ADGRG1: variants seen among roughly 807,000 people sequenced by gnomAD.
ADGRG1 encodes adhesion G protein-coupled receptor G1.
Under a neutral mutation model 73.5 loss-of-function variants are expected in ADGRG1, and 53 were observed. The ratio of observed to expected loss-of-function variants is 0.72; its 90% CI spans 0.58 to 0.91. The LOEUF is 0.91. ADGRG1 is among the 40% of genes least tolerant of loss of function. The probability of loss-of-function intolerance (pLI) is 0.00; values close to 1 mark genes in which losing one functional copy is unlikely to be tolerated. For synonymous variants in ADGRG1, 394 were observed against 374.4 expected (o/e 1.05, Z -0.60); for missense variants, 795 against 871.8 (o/e 0.91, Z 1.11).
rs545589810 is a variant in ADGRG1, at chr16:57,634,546, G to C, written c.-36+5744G>C. The C allele has an allele frequency of 2.3e-5, 20 of 882,052 alleles. No individual in the cohort carries two copies. The East Asian group carries it at 7.2e-4, about 32-fold the overall frequency. The allele number at this position is 882,052 out of a possible 1,614,324, so 54.6% of individuals were successfully genotyped here. A position where few individuals can be genotyped will look rare whatever the true frequency, so the allele number is the denominator to read the frequency against. ...CTTGAAACTTTATCCACATTTCACA[G>C]ATGAGGAATCAGGCCCAAGAGCTCG... On this transcript the variant is annotated intron_variant, in intron 1 of 13. Coordinates refer to ENST00000562631, the MANE Select transcript of ADGRG1 (RefSeq NM_201525.4).
At chr16:57,625,818 G>A, upstream of ADGRG1, 1 of 214,694 alleles carries the variant, frequency 4.7e-6, no homozygotes, top group Non-Finnish European at 8.0e-6. Context: ...GCCCCTTGCT[G>A]CCCAGTTAGA....
At chr16:57,644,885 T>G (rs1347450177) in intron 1 of ADGRG1, among the ~76,000 whole-genome samples, 1 of 142,404 alleles carries the variant, frequency 7.0e-6, no homozygotes, top group African/African-American at 2.7e-5. Context: ...TGTACACTCA[T>G]GCATGGGCAC....
At chr16:57,642,079 G>T (rs145072803) in intron 1 of ADGRG1, 77 of 985,162 alleles carry the variant, frequency 7.8e-5, no homozygotes, top group Admixed American at 2.5e-4. Context: ...AAGAGACTTT[G>T]ATTCTCATCT....
chr16:57,640,948 G>A (rs2040671621), intron 1 of ADGRG1: 5 of 985,588 alleles, frequency 5.1e-6, no homozygotes, highest in Middle Eastern at 5.2e-4. Flanking sequence ...CACAGATAGG[G>A]AAGGGGAACC....
In ADGRG1 at chr16:57,661,823, C is replaced by A. The variant is rs1354867453; in HGVS notation, c.1791C>A (p.Thr597=). 6.2e-7 allele frequency: 1 copy of A among 1,614,252 alleles called. No homozygotes were observed. The highest frequency in any genetic ancestry group is 1.7e-5 in the Admixed American group (1 of 60,032). The stretch of plus-strand genomic sequence containing the variant: ...AGATCCTGCGGCTGCGCCCCCACAC[C>A]CAAAAGTGGTCACATGTGCTGACAC... ...VVQILRLRPH[T]QKWSHVLTLL... is the part of the protein sequence containing the mutation. Residue 597 remains threonine (T), a synonymous_variant, in exon 13 of 14, where the codon ACC becomes ACA. Transcript: ENST00000562631.
chr16:57,632,300 G>A, intron 1 of ADGRG1: 1 of 985,454 alleles, frequency 1.0e-6, no homozygotes. Context: ...GAGACAGCAA[G>A]GGTGGCTTGC....
intron 1 of ADGRG1, chr16:57,646,549 T>C (rs1456335782): frequency 1.0e-6 from 1 of 985,334 alleles, no homozygotes; most frequent in Non-Finnish European, 1.2e-6. Context: ...GGGGGCTTCC[T>C]TGGGCCTCAG....
At chr16:57,634,083 G>C in intron 1 of ADGRG1, 19 of 985,454 alleles carry the variant, frequency 1.9e-5, no homozygotes, top group Non-Finnish European at 2.2e-5. Context: ...GAGGAGGCCT[G>C]GGTTCCAGTC....
intron 1 of ADGRG1, chr16:57,631,093 G>A: frequency 1.0e-6 from 1 of 970,404 alleles, no homozygotes; most frequent in Admixed American, 6.8e-5. Context: ...TGGCCAGGCA[G>A]TCCCAGTCTC....
At chr16:57,661,355 C>T (rs1192628075) in intron 12 of ADGRG1, 3 of 984,938 alleles carry the variant, frequency 3.0e-6, no homozygotes, top group South Asian at 4.7e-5. Context: ...GCCTGTGGAT[C>T]CCCTGAACCC....
intron 3 of ADGRG1, chr16:57,651,908 A>G (rs1221660632): frequency 7.2e-7 from 1 of 1,386,934 alleles, no homozygotes; most frequent in South Asian, 1.5e-5. Flanking sequence ...GCTGCAGAGA[A>G]GGTCTTGGTG....
At position 57,630,953 on chromosome 16, in the gene ADGRG1, G is replaced by C. The variant is rs1409217457; in HGVS notation, c.-36+2151G>C. ...TGGGACTTGATGAGCCAGGCCAGCA[G>C]GTCTCAATCTGCTCTGTGGGGGGGA... On this transcript the variant is annotated intron_variant, in intron 1 of 13. Coordinates refer to ENST00000562631, the MANE Select transcript of ADGRG1 (RefSeq NM_201525.4). The C allele has an allele frequency of 1.0e-5, 10 of 985,410 alleles. No homozygotes were observed. In the African/African-American group the frequency reaches 1.7e-4, roughly 17 times the overall value. The allele number at this position is 985,410 out of a possible 1,614,324, so 61.0% of individuals were successfully genotyped here.
At chr16:57,662,638 G>T (rs1413021365) in intron 13 of ADGRG1, among the ~76,000 whole-genome samples, 1 of 152,088 alleles carries the variant, frequency 6.6e-6, no homozygotes, top group Non-Finnish European at 1.5e-5. Context: ...CCTGAGGTTG[G>T]AACCGGTTGT....
intron 1 of ADGRG1, chr16:57,647,063 G>A: frequency 1.1e-6 from 1 of 922,846 alleles, no homozygotes; most frequent in Non-Finnish European, 1.3e-6. Flanking sequence ...CCTGGCGCCT[G>A]GGTGGGTGGG....
At position 57,659,195 on chromosome 16, in the gene ADGRG1, G is replaced by C. The variant is rs542056175; in HGVS notation, c.1287-218G>C. ...GCTGAGGCTTCTGTTAAACGTGCACGTGGTGCCTGAGTCTGTGGGTGCTGG... is the reference window on the plus strand; with the variant it reads ...GCTGAGGCTTCTGTTAAACGTGCACCTGGTGCCTGAGTCTGTGGGTGCTGG... On this transcript the variant is annotated intron_variant, in intron 10 of 13. Coordinates refer to ENST00000562631, the MANE Select transcript of ADGRG1 (RefSeq NM_201525.4). 4 of 985,258 alleles carry C rather than the reference G, an allele frequency of 4.1e-6. No homozygotes were observed. The African/African-American group carries it at 7.0e-5, about 17-fold the overall frequency. The allele number at this position is 985,258 out of a possible 1,614,324, so 61.0% of individuals were successfully genotyped here.
At chr16:57,657,609 G>C (rs2046064712) in intron 10 of ADGRG1, 118 bp downstream of exon 10, 12 of 841,026 alleles carry the variant, frequency 1.4e-5, no homozygotes, top group Non-Finnish European at 2.4e-5. Flanking sequence ...TGTGTGTGTG[G>C]TTAGGGGAGC....
chr16:57,655,540 C>G lies in ADGRG1; in HGVS notation c.900+10C>G. On this transcript the variant is annotated intron_variant, in intron 6 of 13. Transcript: ENST00000562631. ...CCAAGCCCTGTTCCAGGTATGGGGTCCTCACCCTCATGCCTCCCAGGAGAA... is the reference window on the plus strand; with the variant it reads ...CCAAGCCCTGTTCCAGGTATGGGGTGCTCACCCTCATGCCTCCCAGGAGAA... 3 of 1,613,640 alleles carry G rather than the reference C, an allele frequency of 1.9e-6. No homozygotes were observed. Among genetic ancestry groups the G allele is most frequent in the Non-Finnish European group, 2.5e-6 (3 of 1,180,006 alleles).
In ADGRG1 at chr16:57,654,087, A is replaced by G. The variant is rs1567772160; in HGVS notation, c.722A>G (p.Gln241Arg). The G allele has an allele frequency of 6.2e-7, 1 of 1,613,822 alleles. No homozygotes were observed. Among genetic ancestry groups the G allele is most frequent in the Admixed American group, 1.7e-5 (1 of 60,026 alleles). The change falls in exon 5 of 14, where the codon CAG becomes CGG. Residue 241 changes from glutamine (Q) to arginine (R), a missense_variant. Coordinates refer to ENST00000562631, the MANE Select transcript of ADGRG1 (RefSeq NM_201525.4). ...ATCAACGCCACGGTGTGGAAGCTCC[A>G]GCCCACAGCCGGCCTCCAGGACCTG... ...DRINATVWKL[Q>R]PTAGLQDLHI...
At chr16:57,620,584 G>A (rs561075331), upstream of ADGRG1, among the ~76,000 whole-genome samples, 3 of 152,314 alleles carry the variant, frequency 2.0e-5, no homozygotes, top group South Asian at 2.1e-4. Flanking sequence ...GGCCCAGGTC[G>A]TTTGACTTTT....
Sources: gnomAD v4.1 joint callset for allele counts (sites outside exome capture counted in the v4.1 genomes callset) on GRCh38, gnomAD v4.1.1 for gene constraint, MANE v1.5 for transcripts, NCBI Gene and HGNC (gene_info 2026-07-23, HGNC 2026-07-21) for gene names.